Variants in ADAMTSL1 observed in about 807,000 individuals in gnomAD.
The protein encoded by ADAMTSL1 is ADAMTS like 1.
A neutral mutation model predicts 201.8 loss-of-function variants in ADAMTSL1; 126 were observed. The observed-to-expected ratio is 0.62, with a 90% confidence interval of 0.54 to 0.72. The LOEUF (loss-of-function observed/expected upper bound fraction) is 0.72. Ranked by LOEUF, ADAMTSL1 falls within the 30% of genes least tolerant of loss-of-function variation. The pLI is 0.00. For synonymous variants in ADAMTSL1, 1,121 were observed against 903.4 expected (o/e 1.24, Z -4.32); for missense variants, 2,679 against 2,277.8 (o/e 1.18, Z -3.59).
chr9:18,231,918 T>C (rs1830659242), intron 2 of ADAMTSL1, among the ~76,000 whole-genome samples: 1 of 152,240 alleles, frequency 6.6e-6, no homozygotes, highest in African/African-American at 2.4e-5. Context: ...CACTCTGGTC[T>C]AAGCCAACAT....
chr9:18,393,715 A>G (rs183800520), intron 2 of ADAMTSL1, among the ~76,000 whole-genome samples: 5 of 152,300 alleles, frequency 3.3e-5, no homozygotes, highest in Admixed American at 3.3e-4. Context: ...TGAAAATGGC[A>G]GTGCCTTACT....
At chr9:17,984,475 G>A (rs746441561) in intron 1 of ADAMTSL1, among the ~76,000 whole-genome samples, 1 of 151,908 alleles carries the variant, frequency 6.6e-6, no homozygotes, top group African/African-American at 2.4e-5. Flanking sequence ...TAACTGTAAG[G>A]ATTGTATTGT....
intron 1 of ADAMTSL1, among the ~76,000 whole-genome samples, chr9:17,935,035 C>A (rs1440134310): frequency 6.6e-6 from 1 of 151,522 alleles, no homozygotes; most frequent in Non-Finnish European, 1.5e-5. Context: ...TTCTATTTAT[C>A]TTCTTTTATT....
chr9:18,005,817 C>T (rs940232375), intron 1 of ADAMTSL1, among the ~76,000 whole-genome samples: 5 of 152,028 alleles, frequency 3.3e-5, no homozygotes, highest in African/African-American at 1.2e-4. Context: ...CCAGTTCAAA[C>T]ATGGCCTCTT....
At chr9:18,040,010 C>T (rs1177184782) in intron 1 of ADAMTSL1, among the ~76,000 whole-genome samples, 1 of 152,128 alleles carries the variant, frequency 6.6e-6, no homozygotes, top group African/African-American at 2.4e-5. Context: ...ATTATTGTGT[C>T]TCCAGGATGG....
chr9:18,411,372 G>T (rs1818436118), intron 2 of ADAMTSL1, among the ~76,000 whole-genome samples: 1 of 150,928 alleles, frequency 6.6e-6, no homozygotes, highest in African/African-American at 2.4e-5. Context: ...GCTAATTTTT[G>T]TTTTTTTATA....
In ADAMTSL1 at chr9:18,828,660, T is replaced by TTTTTATATATA. The variant is rs10685537; in HGVS notation, c.4115-1182_4115-1181insTTTATATATAT. Among the ~76,000 whole-genome samples, 20 of 28,516 alleles carry TTTTTATATATA rather than the reference T, an allele frequency of 7.0e-4. 1 individual carries two copies. Among genetic ancestry groups the TTTTTATATATA allele is most frequent in the African/African-American group, 1.9e-3 (16 of 8,520 alleles). 18.7% of individuals were successfully genotyped at this position (28,516 alleles called of 152,430 possible). A position where few individuals can be genotyped will look rare whatever the true frequency, so the allele number is the denominator to read the frequency against. ...GAAAAGGATTCTTTTGAAAGTATAT[T>TTTTTATATATA]TATATATATATATATATATATATAT... On this transcript the variant is annotated intron_variant, in intron 22 of 28. Transcript: ENST00000380548.
At position 17,925,170 on chromosome 9, in the gene ADAMTSL1, A is replaced by G. The variant is rs879889512; in HGVS notation, c.87+18248A>G. Among the ~76,000 whole-genome samples, 868 of 109,876 alleles carry G rather than the reference A, an allele frequency of 7.9e-3. 209 individuals carry two copies. Among genetic ancestry groups the G allele is most frequent in the Middle Eastern group, 0.017 (4 of 238 alleles). The allele number at this position is 109,876 out of a possible 152,430, so 72.1% of individuals were successfully genotyped here. A position where few individuals can be genotyped will look rare whatever the true frequency, so the allele number is the denominator to read the frequency against. ...CCACTATGAGATACCATCTCACACCAGTTAGAATGGCAATCATTAAAAAGT... is the reference window on the plus strand; with the variant it reads ...CCACTATGAGATACCATCTCACACCGGTTAGAATGGCAATCATTAAAAAGT... On this transcript the variant is annotated intron_variant, in intron 1 of 29. Transcript: ENST00000680146.
chr9:18,362,741 C>G (rs766528969), intron 2 of ADAMTSL1, among the ~76,000 whole-genome samples: 1 of 152,200 alleles, frequency 6.6e-6, no homozygotes, highest in Non-Finnish European at 1.5e-5. Flanking sequence ...AGTCTTTCAT[C>G]AGTGTCTAAT....
intron 1 of ADAMTSL1, among the ~76,000 whole-genome samples, chr9:18,062,206 AC>A: frequency 6.6e-6 from 1 of 152,342 alleles, no homozygotes; most frequent in East Asian, 1.9e-4. Context: ...TTTCAGGTTT[AC>A]AACCTTTTCT....
At chr9:18,723,523 G>A (rs1407430367) in intron 15 of ADAMTSL1, 3 of 169,712 alleles carry the variant, frequency 1.8e-5, no homozygotes, top group Non-Finnish European at 3.8e-5. Flanking sequence ...CAAAAGGTTA[G>A]GTTATCCTGT....
intron 1 of ADAMTSL1, among the ~76,000 whole-genome samples, chr9:17,973,486 A>G (rs200803088): frequency 0.45 from 53,078 of 117,838 alleles, 13,874 homozygotes; most frequent in East Asian, 0.89. Flanking sequence ...GATATGCAGC[A>G]TTATTTCTGA....
At chr9:18,331,203 A>G (rs1835014986) in intron 2 of ADAMTSL1, among the ~76,000 whole-genome samples, 1 of 152,226 alleles carries the variant, frequency 6.6e-6, no homozygotes, top group African/African-American at 2.4e-5. Flanking sequence ...TTCATGGAGA[A>G]GAGTGAGACA....
chr9:18,822,288 T>G (rs1005178783), intron 21 of ADAMTSL1, among the ~76,000 whole-genome samples: 2 of 152,144 alleles, frequency 1.3e-5, no homozygotes, highest in Admixed American at 1.3e-4. Context: ...CTGACCAAGC[T>G]TCTCAACAAG....
chr9:18,857,350 C>T (rs2131398842), intron 23 of ADAMTSL1, among the ~76,000 whole-genome samples: 3 of 152,310 alleles, frequency 2.0e-5, no homozygotes, highest in Admixed American at 2.0e-4. Flanking sequence ...GTTGTCATGT[C>T]CCTTCTGTTT....
intron 2 of ADAMTSL1, among the ~76,000 whole-genome samples, chr9:18,307,645 C>T (rs1833960878): frequency 6.6e-6 from 1 of 152,136 alleles, no homozygotes; most frequent in African/African-American, 2.4e-5. Context: ...GAAGAGCTAA[C>T]TATCCTAAAT....
chr9:18,888,092 A>G (rs1340710146), intron 24 of ADAMTSL1, 49 bp downstream of exon 24: 1 of 1,564,108 alleles, frequency 6.4e-7, no homozygotes, highest in Non-Finnish European at 8.7e-7. Context: ...AAGAAAGCCC[A>G]CTTGGGAATC....
chr9:18,298,798 C>A (rs888574494), intron 2 of ADAMTSL1, among the ~76,000 whole-genome samples: 7 of 151,526 alleles, frequency 4.6e-5, no homozygotes, highest in Admixed American at 6.6e-5. Context: ...CCGCAGCGGG[C>A]GGATCACGAG....
intron 22 of ADAMTSL1, among the ~76,000 whole-genome samples, chr9:18,827,714 C>T (rs778610891): frequency 4.6e-5 from 7 of 152,214 alleles, no homozygotes; most frequent in Non-Finnish European, 8.8e-5. Flanking sequence ...GCTACTGTGG[C>T]TTTGCCAATG....
Sources: gnomAD v4.1 joint callset for allele counts (sites outside exome capture counted in the v4.1 genomes callset) on GRCh38, gnomAD v4.1.1 for gene constraint, MANE v1.5 for transcripts, NCBI Gene and HGNC (gene_info 2026-07-23, HGNC 2026-07-21) for gene names.